The following UCK2 variants were observed in gnomAD, a reference collection of about 807,000 sequenced individuals.
UCK2 encodes the protein uridine-cytidine kinase 2.
UCK2 carries 6 observed loss-of-function variants against 30.8 expected under a neutral mutation model. That is an observed-to-expected ratio of 0.19 (90% CI 0.11 to 0.38). UCK2 has a LOEUF of 0.38. UCK2 is among the 10% of genes least tolerant of loss of function. The pLI is 1.00. For synonymous variants in UCK2, 125 were observed against 133.6 expected (o/e 0.94, Z 0.45); for missense variants, 210 against 339.8 (o/e 0.62, Z 3.00).
At chr1:165,863,763 T>C (rs945788260) in intron 1 of UCK2, among the ~76,000 whole-genome samples, 1 of 152,220 alleles carries the variant, frequency 6.6e-6, no homozygotes, top group African/African-American at 2.4e-5. Context: ...CAATACAGAA[T>C]ATTAGTAGTA....
intron 3 of UCK2, chr1:165,894,392 T>G (rs112027788): frequency 0.01 from 1,553 of 152,236 alleles, 25 homozygotes; most frequent in African/African-American, 0.036. Context: ...TTTCTGAACT[T>G]CTCTAGGTTG....
At position 165,908,613 on chromosome 1, in the gene UCK2, C is replaced by T. The variant is rs1294127949; in HGVS notation, c.*790C>T. The T allele has an allele frequency of 1.3e-5, 2 of 152,048 alleles. No individual in the cohort carries two copies. Among genetic ancestry groups the T allele is most frequent in the African/African-American group, 2.4e-5 (1 of 41,394 alleles). The allele number at this position is 152,048 out of a possible 1,614,324, so 9.4% of individuals were successfully genotyped here. ...CTCACCCTCCTGCTTCTCTGTCTCT[C>T]CAAGAAGCCAGAGCTGCCTCTTTCC... On this transcript the variant is annotated 3_prime_UTR_variant, in exon 7 of 7. Transcript: ENST00000367879.
rs546236167 is a variant in UCK2, at chr1:165,869,033, A to G, written c.100-21171A>G. Among the ~76,000 whole-genome samples, 154 of 152,318 alleles carry G rather than the reference A, an allele frequency of 1.0e-3. 1 individual carries two copies. Among genetic ancestry groups the G allele is most frequent in the African/African-American group, 3.5e-3 (145 of 41,580 alleles). On this transcript the variant is annotated intron_variant, in intron 1 of 6. Coordinates refer to ENST00000367879, the MANE Select transcript of UCK2 (RefSeq NM_012474.5). ...CTTCAATATTGTTCTGTCGCAGGAA[A>G]TCATAGGGAGGCCCAAGAAGAGGGA...
intron 1 of UCK2, among the ~76,000 whole-genome samples, chr1:165,883,167 T>G (rs111602125): frequency 6.6e-6 from 1 of 152,186 alleles, no homozygotes; most frequent in Non-Finnish European, 1.5e-5. Flanking sequence ...TTTATTTAGC[T>G]GCTCTCCCAT....
chr1:165,907,862 C>G lies in UCK2; in HGVS notation c.*39C>G, dbSNP rs1015805212. On this transcript the variant is annotated 3_prime_UTR_variant, in exon 7 of 7. Transcript: ENST00000367879. ...GACCCCAGCCCCTATCTCCAAGAGACAGAGGAGGGGTCAGGAGGCACTGCT... is the reference window on the plus strand; with the variant it reads ...GACCCCAGCCCCTATCTCCAAGAGAGAGAGGAGGGGTCAGGAGGCACTGCT... 1 of 1,609,142 alleles carries G rather than the reference C, an allele frequency of 6.2e-7. No homozygotes were observed. The highest frequency in any genetic ancestry group is 8.5e-7 in the Non-Finnish European group (1 of 1,177,156).
At chr1:165,835,223 C>T (rs1373614592) in intron 1 of UCK2, among the ~76,000 whole-genome samples, 2 of 148,886 alleles carry the variant, frequency 1.3e-5, no homozygotes, top group African/African-American at 2.6e-5. Context: ...GATAACAGTG[C>T]TGATTTTGGA....
chr1:165,900,355 T>C (rs1350145218), intron 4 of UCK2: 1 of 152,204 alleles, frequency 6.6e-6, no homozygotes, highest in Non-Finnish European at 1.5e-5. Context: ...GAATAGTAAC[T>C]GTATGAGGAA....
chr1:165,907,647 C>A lies in UCK2; in HGVS notation c.647-37C>A, dbSNP rs1647711903. ...CCCACACTCACCCCTGCACCCATGCCTGCACCCGTAACGCTCTGCTGGTCT... is the reference window on the plus strand; with the variant it reads ...CCCACACTCACCCCTGCACCCATGCATGCACCCGTAACGCTCTGCTGGTCT... On this transcript the variant is annotated intron_variant, in intron 6 of 6. Coordinates refer to ENST00000367879, the MANE Select transcript of UCK2 (RefSeq NM_012474.5). 2.5e-6 allele frequency: 4 copies of A among 1,609,028 alleles called. No homozygotes were observed. In the African/African-American group the frequency reaches 4.0e-5, roughly 16 times the overall value.
rs1653919730 is a variant in UCK2 at position 165,827,702 on chromosome 1, G to A, written c.-132G>A. ...GTCACCGGGCTCCGAGCGGCTCGCAGGCGAGCGACAGCGGCCTCAGCCCCG... is the reference window on the plus strand; with the variant it reads ...GTCACCGGGCTCCGAGCGGCTCGCAAGCGAGCGACAGCGGCCTCAGCCCCG... On this transcript the variant is annotated 5_prime_UTR_variant, in exon 1 of 7. Coordinates refer to ENST00000367879, the MANE Select transcript of UCK2 (RefSeq NM_012474.5). 2.6e-6 allele frequency: 2 copies of A among 782,996 alleles called. No homozygotes were observed. The highest frequency in any genetic ancestry group is 3.5e-6 in the Non-Finnish European group (2 of 570,398). The allele number at this position is 782,996 out of a possible 1,614,324, so 48.5% of individuals were successfully genotyped here.
rs1654881493 is a variant in UCK2, at chr1:165,860,953, G to T, written c.100-29251G>T. Among the ~76,000 whole-genome samples, 6 of 152,128 alleles carry T rather than the reference G, an allele frequency of 3.9e-5. No homozygotes were observed. The South Asian group carries it at 1.2e-3, about 31-fold the overall frequency. The stretch of plus-strand genomic sequence containing the variant: ...TTGAGAAAAATAAAAGAAAGCATCT[G>T]TCCAGTCTACTATAATAAAATAGCT... On this transcript the variant is annotated intron_variant, in intron 1 of 6. Coordinates refer to ENST00000367879, the MANE Select transcript of UCK2 (RefSeq NM_012474.5).
intron 1 of UCK2, among the ~76,000 whole-genome samples, chr1:165,876,311 G>A (rs1364424915): frequency 6.6e-6 from 1 of 152,168 alleles, no homozygotes; most frequent in East Asian, 1.9e-4. Flanking sequence ...TGACATCTTC[G>A]TCACCAAGGA....
chr1:165,859,919 T>G (rs12562047), intron 1 of UCK2, among the ~76,000 whole-genome samples: 55,102 of 152,034 alleles, frequency 0.36, 10,287 homozygotes, highest in Non-Finnish European at 0.42. Context: ...CACCCTGCTT[T>G]GCCCATCACA....
chr1:165,852,189 A>G (rs1171768280), intron 1 of UCK2, among the ~76,000 whole-genome samples: 1 of 152,182 alleles, frequency 6.6e-6, no homozygotes, highest in East Asian at 1.9e-4. Flanking sequence ...AACTAATTAC[A>G]ACAAAAGCCA....
chr1:165,876,169 A>G (rs368838461), intron 1 of UCK2, among the ~76,000 whole-genome samples: 49 of 152,190 alleles, frequency 3.2e-4, no homozygotes, highest in Non-Finnish European at 4.6e-4. Flanking sequence ...TTTAAAATCT[A>G]TCTTGCCCAG....
rs1015805212 is a variant in UCK2 at position 165,907,862 on chromosome 1, C to T, written c.*39C>T. The T allele has an allele frequency of 6.2e-7, 1 of 1,609,142 alleles. No homozygotes were observed. The highest frequency in any genetic ancestry group is 8.5e-7 in the Non-Finnish European group (1 of 1,177,156). ...GACCCCAGCCCCTATCTCCAAGAGA[C>T]AGAGGAGGGGTCAGGAGGCACTGCT... On this transcript the variant is annotated 3_prime_UTR_variant, in exon 7 of 7. Transcript: ENST00000367879.
chr1:165,832,309 C>A (rs1031704671), intron 1 of UCK2, among the ~76,000 whole-genome samples: 2 of 152,140 alleles, frequency 1.3e-5, no homozygotes, highest in African/African-American at 4.8e-5. Context: ...ACTGCTTCTT[C>A]CCGTAGAGTA....
intron 1 of UCK2, among the ~76,000 whole-genome samples, chr1:165,869,020 T>C (rs1655121348): frequency 6.6e-6 from 1 of 152,178 alleles, no homozygotes; most frequent in East Asian, 1.9e-4. Context: ...TCAATATTGT[T>C]CTGTCGCAGG....
At chr1:165,885,035 A>G (rs955636638) in intron 1 of UCK2, 2 of 227,382 alleles carry the variant, frequency 8.8e-6, no homozygotes, top group Non-Finnish European at 1.7e-5. Flanking sequence ...CTTTAGTTCT[A>G]TGAAGTTCAA....
chr1:165,909,687 C>T lies in UCK2; in HGVS notation c.*1864C>T, dbSNP rs1294727717. 1.3e-5 allele frequency: 2 copies of T among 152,284 alleles called. No individual in the cohort carries two copies. Among genetic ancestry groups the T allele is most frequent in the East Asian group, 1.9e-4 (1 of 5,200 alleles). The allele number at this position is 152,284 out of a possible 1,614,324, so 9.4% of individuals were successfully genotyped here. A position where few individuals can be genotyped will look rare whatever the true frequency, so the allele number is the denominator to read the frequency against. ...CTCCCAAGATGCCTCCTTTGAAAGC[C>T]GGTGCTCACCAAGATCAGTTCAGGA... is the stretch of plus-strand genomic sequence containing the variant. On this transcript the variant is annotated 3_prime_UTR_variant, in exon 7 of 7. Transcript: ENST00000367879.
Sources: gnomAD v4.1 joint callset for allele counts (sites outside exome capture counted in the v4.1 genomes callset) on GRCh38, gnomAD v4.1.1 for gene constraint, MANE v1.5 for transcripts, NCBI Gene and HGNC (gene_info 2026-07-23, HGNC 2026-07-21) for gene names.